The following LVRN variants were observed in gnomAD, a reference collection of about 807,000 sequenced individuals.
LVRN encodes laeverin.
LVRN carries 99 observed loss-of-function variants against 111.4 expected under a neutral mutation model. The observed-to-expected ratio is 0.89, with a 90% CI of 0.76 to 1.05. LVRN has a LOEUF of 1.05. Ranked by LOEUF, LVRN falls within the 50% of genes least tolerant of loss-of-function variation. The pLI is 0.00. For synonymous variants in LVRN, 488 were observed against 449.5 expected, an observed-to-expected ratio of 1.09 and a Z score of -1.08; for missense variants, 1,414 against 1,206.8, an observed-to-expected ratio of 1.17 and a Z score of -2.54.
intron 1 of LVRN, among the ~76,000 whole-genome samples, chr5:115,972,519 G>A (rs1008706676): frequency 6.6e-6 from 1 of 150,808 alleles, no homozygotes; most frequent in Non-Finnish European, 1.5e-5. Context: ...TCTCTACATA[G>A]GTTGTCATAC....
In LVRN at chr5:116,005,903, A is replaced by G; in HGVS notation, c.2038-9A>G. The G allele has an allele frequency of 1.3e-6, 2 of 1,593,162 alleles. No homozygotes were observed. The highest frequency in any genetic ancestry group is 1.7e-6 in the Non-Finnish European group (2 of 1,161,028). ...CTTCTTCTGGGCATATTTGGGTCTA[A>G]TTCTGCAGGCGATTCCTGTTATTCA... On this transcript the variant is annotated splice_polypyrimidine_tract_variant and intron_variant, in intron 12 of 19. Coordinates refer to ENST00000357872, the MANE Select transcript of LVRN (RefSeq NM_173800.5).
At chr5:116,008,606 A>AGT (rs61154462) in intron 13 of LVRN, among the ~76,000 whole-genome samples, 1 of 40,668 alleles carries the variant, frequency 2.5e-5, no homozygotes, top group Non-Finnish European at 6.6e-5. Flanking sequence ...ATGAATGATT[A>AGT]AAAAAAAAAA....
intron 19 of LVRN, among the ~76,000 whole-genome samples, chr5:116,025,605 A>G (rs965446587): frequency 2.6e-5 from 4 of 152,206 alleles, no homozygotes; most frequent in Non-Finnish European, 5.9e-5. Context: ...GAGCTTCGGA[A>G]GTTGCAGTTT....
At chr5:116,017,763 G>T (rs1035829966) in intron 18 of LVRN, among the ~76,000 whole-genome samples, 1 of 152,016 alleles carries the variant, frequency 6.6e-6, no homozygotes, top group Admixed American at 6.6e-5. Flanking sequence ...AAAGTGATTG[G>T]TACATAATAA....
At chr5:115,971,278 G>T (rs902409351) in intron 1 of LVRN, among the ~76,000 whole-genome samples, 2 of 53,860 alleles carry the variant, frequency 3.7e-5, no homozygotes, top group African/African-American at 8.5e-5. Flanking sequence ...TTCAGTTGTG[G>T]CTTGTCTTTG....
intron 19 of LVRN, among the ~76,000 whole-genome samples, chr5:116,023,947 G>A (rs1748808831): frequency 1.3e-5 from 2 of 152,102 alleles, no homozygotes; most frequent in South Asian, 2.1e-4. Context: ...CCACATAATG[G>A]AATACTATAC....
At chr5:115,982,379 G>A (rs1466754661) in intron 1 of LVRN, among the ~76,000 whole-genome samples, 2 of 152,132 alleles carry the variant, frequency 1.3e-5, no homozygotes, top group African/African-American at 4.8e-5. Flanking sequence ...TGGGCCTGAT[G>A]CAAAAACAAA....
intron 18 of LVRN, among the ~76,000 whole-genome samples, chr5:116,020,377 T>G (rs1239537786): frequency 2.6e-5 from 4 of 152,214 alleles, no homozygotes; most frequent in African/African-American, 9.7e-5. Context: ...GCATTATTTG[T>G]TCCGTTATCA....
At chr5:116,000,866 G>A (rs887811943) in intron 9 of LVRN, among the ~76,000 whole-genome samples, 1 of 152,126 alleles carries the variant, frequency 6.6e-6, no homozygotes, top group Non-Finnish European at 1.5e-5. Context: ...CAATAAATAT[G>A]TGTTCATATT....
intron 18 of LVRN, chr5:116,020,064 T>C (rs1216691945): frequency 6.6e-6 from 1 of 152,302 alleles, no homozygotes; most frequent in African/African-American, 2.4e-5. Flanking sequence ...GAAAGCCTAA[T>C]CTGGAAATAC....
chr5:116,026,593 A>T lies in LVRN; in HGVS notation c.*475A>T, dbSNP rs1410436574. 5.5e-6 allele frequency: 1 copy of T among 182,608 alleles called. No individual in the cohort carries two copies. Among genetic ancestry groups the T allele is most frequent in the African/African-American group, 2.4e-5 (1 of 41,612 alleles). The allele number at this position is 182,608 out of a possible 1,614,324, so 11.3% of individuals were successfully genotyped here. ...ACAATATAAAAAGACAGAAACTCAAAAAGTATATTCACTAGAAGACAGTGG... is the reference window on the plus strand; with the variant it reads ...ACAATATAAAAAGACAGAAACTCAATAAGTATATTCACTAGAAGACAGTGG... On this transcript the variant is annotated 3_prime_UTR_variant, in exon 20 of 20. Coordinates refer to ENST00000357872, the MANE Select transcript of LVRN (RefSeq NM_173800.5).
At chr5:115,996,840 G>A (rs2112593836) in intron 6 of LVRN, among the ~76,000 whole-genome samples, 1 of 152,266 alleles carries the variant, frequency 6.6e-6, no homozygotes, top group South Asian at 2.1e-4. Flanking sequence ...CCTTTACTAT[G>A]ATGGTAAGCT....
At chr5:115,968,393 T>C (rs1041020613) in intron 1 of LVRN, among the ~76,000 whole-genome samples, 13 of 152,228 alleles carry the variant, frequency 8.5e-5, no homozygotes, top group African/African-American at 3.1e-4. Context: ...GGGTATTATA[T>C]TGATTGATTT....
At chr5:116,018,680 A>G (rs530329396) in intron 18 of LVRN, among the ~76,000 whole-genome samples, 1 of 152,086 alleles carries the variant, frequency 6.6e-6, no homozygotes, top group Admixed American at 6.5e-5. Context: ...CCATCTCCAA[A>G]AAAGAAAGAT....
At chr5:115,999,422 A>G (rs1374071300) in intron 6 of LVRN, among the ~76,000 whole-genome samples, 1 of 152,190 alleles carries the variant, frequency 6.6e-6, no homozygotes, top group Non-Finnish European at 1.5e-5. Context: ...ATTACTGATG[A>G]AATTTTAGAT....
chr5:116,014,561 T>A, intron 16 of LVRN, 34 bp downstream of exon 16: 1 of 1,560,146 alleles, frequency 6.4e-7, no homozygotes, highest in Non-Finnish European at 8.8e-7. Context: ...CTTGTTTTTG[T>A]CCTATTTTAG....
At chr5:115,968,741 G>T (rs902341235) in intron 1 of LVRN, among the ~76,000 whole-genome samples, 1 of 152,034 alleles carries the variant, frequency 6.6e-6, no homozygotes, top group African/African-American at 2.4e-5. Flanking sequence ...TCCTTCTGAC[G>T]GTATAACCCT....
At position 116,014,508 on chromosome 5, in the gene LVRN, G is replaced by T. The variant is rs778696086; in HGVS notation, c.2431G>T (p.Val811Leu). Residue 811 changes from valine to leucine, a missense_variant, in exon 16 of 20, where the codon GTG becomes TTG. Coordinates refer to ENST00000357872, the MANE Select transcript of LVRN (RefSeq NM_173800.5). ...QLSKELFAKWVDHPENEIPYP... is the reference protein window; with the variant it reads ...QLSKELFAKWLDHPENEIPYP... ...GTCAAAAGAACTTTTCGCAAAATGG[G>T]TGGATCATCCAGAAAATGAGTAAGA... The T allele has an allele frequency of 1.9e-6, 3 of 1,613,278 alleles. No individual in the cohort carries two copies. In the South Asian group the frequency reaches 3.3e-5, roughly 18 times the overall value.
intron 1 of LVRN, among the ~76,000 whole-genome samples, chr5:115,982,495 G>T (rs1430323560): frequency 6.6e-6 from 1 of 152,140 alleles, no homozygotes; most frequent in Non-Finnish European, 1.5e-5. Context: ...TGGCAAATGG[G>T]ATAATGAGAC....
Sources: allele counts gnomAD v4.1 joint callset (sites outside exome capture counted in the v4.1 genomes callset), GRCh38; gene constraint gnomAD v4.1.1; transcripts MANE v1.5; gene names NCBI Gene and HGNC (gene_info 2026-07-23, HGNC 2026-07-21).